Variants in CD5 observed in about 807,000 individuals in gnomAD.
CD5 encodes the protein CD5 molecule.
CD5 carries 36 observed loss-of-function variants against 60.3 expected under a neutral mutation model. The observed-to-expected ratio is 0.60, with a 90% confidence interval of 0.46 to 0.79. The LOEUF is 0.79. CD5 is among the 30% of genes least tolerant of loss of function. CD5 has a pLI of 0.00. For missense variants in CD5, 540 were observed against 630.6 expected (o/e 0.86, Z 1.54); for synonymous variants, 230 against 257.6 (o/e 0.89, Z 1.03).
upstream of CD5, among the ~76,000 whole-genome samples, chr11:61,100,636 C>A (rs1860660160): frequency 1.3e-5 from 1 of 74,978 alleles, no homozygotes; most frequent in African/African-American, 7.6e-5. Flanking sequence ...ACACACACAT[C>A]AACATGGAGA....
At chr11:61,101,619 CAT>C (rs1249185213), upstream of CD5, among the ~76,000 whole-genome samples, 1 of 150,846 alleles carries the variant, frequency 6.6e-6, no homozygotes, top group African/African-American at 2.4e-5. Flanking sequence ...ATCACACACA[CAT>C]ATCAACATGG....
intron 1 of CD5, among the ~76,000 whole-genome samples, chr11:61,105,536 C>T (rs1360152667): frequency 6.6e-6 from 1 of 152,134 alleles, no homozygotes; most frequent in Non-Finnish European, 1.5e-5. Flanking sequence ...ATAATAACAG[C>T]AACAACTATG....
At position 61,122,965 on chromosome 11, in the gene CD5, C is replaced by T. The variant is rs1322238418; in HGVS notation, c.1158C>T (p.Ala386=). 1.2e-6 allele frequency: 2 copies of T among 1,614,128 alleles called. No individual in the cohort carries two copies. Among genetic ancestry groups the T allele is most frequent in the South Asian group, 1.1e-5 (1 of 91,088 alleles). Residue 386 remains alanine (A), a synonymous_variant, in exon 7 of 11, where the codon GCC becomes GCT. Coordinates refer to ENST00000347785, the MANE Select transcript of CD5 (RefSeq NM_014207.4). The part of the protein sequence containing the change: ...AAGTVASIIL[A]LVLLVVLLVV... Reference sequence around the variant, plus strand: ...GCACGGTGGCAAGCATCATCCTGGCCCTGGTGCTCCTGGTGGTGCTGCTGG... The same window carrying T: ...GCACGGTGGCAAGCATCATCCTGGCTCTGGTGCTCCTGGTGGTGCTGCTGG...
intron 1 of CD5, among the ~76,000 whole-genome samples, chr11:61,103,776 G>T (rs932871665): frequency 1.4e-5 from 2 of 142,314 alleles, no homozygotes; most frequent in Non-Finnish European, 3.1e-5. Flanking sequence ...ATGTGTGTGA[G>T]TACTGTCTGG....
intron 1 of CD5, 27 bp downstream of exon 1, chr11:61,102,642 G>A (rs372635673): frequency 6.0e-5 from 94 of 1,560,692 alleles, no homozygotes; most frequent in Non-Finnish European, 7.9e-5. Flanking sequence ...GGTGTCCTGC[G>A]AACACCCGGG....
intron 1 of CD5, among the ~76,000 whole-genome samples, chr11:61,111,194 C>T (rs533262976): frequency 6.6e-6 from 1 of 152,184 alleles, no homozygotes; most frequent in African/African-American, 2.4e-5. Flanking sequence ...GCTGCACGAG[C>T]GCTTCCAGGT....
chr11:61,121,862 C>T lies in CD5; in HGVS notation c.1057C>T (p.Leu353Phe), dbSNP rs775141647. The change falls in exon 6 of 11, where the codon CTT becomes TTT. Residue 353 changes from leucine (L) to phenylalanine (F), a missense_variant. Coordinates refer to ENST00000347785, the MANE Select transcript of CD5 (RefSeq NM_014207.4). ...TCAGAAGCTGTCCCAGTGCCACGAACTTTGGGAGAGAAATTCCTACTGCAA... is the reference window on the plus strand; with the variant it reads ...TCAGAAGCTGTCCCAGTGCCACGAATTTTGGGAGAGAAATTCCTACTGCAA... ...PHQKLSQCHE[L>F]WERNSYCKKV... is the part of the protein sequence containing the mutation. 6 of 1,565,622 alleles carry T rather than the reference C, an allele frequency of 3.8e-6. No individual in the cohort carries two copies. The African/African-American group carries it at 6.8e-5, about 18-fold the overall frequency.
In CD5 at chr11:61,118,935, C is replaced by G. The variant is rs761318325; in HGVS notation, c.421C>G (p.Pro141Ala). The G allele has an allele frequency of 6.2e-7, 1 of 1,613,920 alleles. No individual in the cohort carries two copies. Among genetic ancestry groups the G allele is most frequent in the South Asian group, 1.1e-5 (1 of 91,076 alleles). ...TCLEPQKTTP[P>A]TTRPPPTTTP... Reference sequence around the variant, plus strand: ...TGCAGAACCCCAGAAGACAACACCTCCAACGACAAGGCCCCCGCCCACCAC... The same window carrying G: ...TGCAGAACCCCAGAAGACAACACCTGCAACGACAAGGCCCCCGCCCACCAC... The change falls in exon 4 of 11, where the codon CCA becomes GCA. Residue 141 changes from proline to alanine, a missense_variant. Coordinates refer to ENST00000347785, the MANE Select transcript of CD5 (RefSeq NM_014207.4). The surrounding 1 kb of genome is among the most constrained non-coding windows in gnomAD (Gnocchi z 4.7).
chr11:61,097,104 A>C, the CD5 span, among the ~76,000 whole-genome samples: 1 of 152,194 alleles, frequency 6.6e-6, no homozygotes, highest in Non-Finnish European at 1.5e-5. Context: ...AGATGAACTC[A>C]ATGTGCCAGT....
chr11:61,098,934 G>A (rs1860619302), upstream of CD5, among the ~76,000 whole-genome samples: 3 of 152,292 alleles, frequency 2.0e-5, no homozygotes, highest in South Asian at 6.2e-4. Flanking sequence ...CTGGACCAGT[G>A]ATCACGTCCT....
intron 1 of CD5, 69 bp downstream of exon 1, chr11:61,102,684 T>G: frequency 7.4e-7 from 1 of 1,343,216 alleles, no homozygotes; most frequent in Non-Finnish European, 1.0e-6. Context: ...AGTTCCCAGT[T>G]TTACCCAAGG....
chr11:61,120,236 G>C (rs141084112), intron 5 of CD5, among the ~76,000 whole-genome samples: 1 of 152,308 alleles, frequency 6.6e-6, no homozygotes, highest in Non-Finnish European at 1.5e-5. Flanking sequence ...AGAAACCACA[G>C]CTGAAACGAA....
intron 6 of CD5, among the ~76,000 whole-genome samples, chr11:61,122,521 G>A (rs927772551): frequency 3.3e-5 from 5 of 152,058 alleles, no homozygotes; most frequent in Admixed American, 1.3e-4. Context: ...ACAGAAGGGC[G>A]GATGGACAGA....
intron 1 of CD5, among the ~76,000 whole-genome samples, chr11:61,106,706 TG>T (rs1304199958): frequency 6.6e-6 from 1 of 152,210 alleles, no homozygotes; most frequent in Non-Finnish European, 1.5e-5. Context: ...TGTGTGTCCA[TG>T]TGCTGTGTTT....
At chr11:61,126,015 C>T (rs989774097) in intron 10 of CD5, among the ~76,000 whole-genome samples, 174 bp downstream of exon 10, 3 of 152,222 alleles carry the variant, frequency 2.0e-5, no homozygotes, top group Non-Finnish European at 4.4e-5. Context: ...TTAGGTTATA[C>T]GAGCTGATTT....
chr11:61,123,130 T>G, intron 7 of CD5, 98 bp downstream of exon 7: 1 of 1,387,328 alleles, frequency 7.2e-7, no homozygotes, highest in Non-Finnish European at 9.7e-7. Flanking sequence ...TCCAGAGAGC[T>G]GGGCACGCAG....
intron 1 of CD5, among the ~76,000 whole-genome samples, chr11:61,105,322 G>C (rs1324914957): frequency 6.6e-6 from 1 of 152,184 alleles, no homozygotes; most frequent in Non-Finnish European, 1.5e-5. Context: ...CTGGGACGTG[G>C]GAAAGTCATG....
chr11:61,113,692 A>G (rs1382792218), intron 1 of CD5, among the ~76,000 whole-genome samples: 1 of 151,940 alleles, frequency 6.6e-6, no homozygotes, highest in Non-Finnish European at 1.5e-5. Context: ...TTGTAAAGAC[A>G]GAATCTCACT....
rs267603061 is a variant in CD5, at chr11:61,119,390, G to A, written c.620G>A (p.Gly207Asp). The change falls in exon 5 of 11, where the codon GGC becomes GAC. Residue 207 changes from glycine to aspartate, a missense_variant. Coordinates refer to ENST00000347785, the MANE Select transcript of CD5 (RefSeq NM_014207.4). Reference protein sequence around the residue: ...ENFLCNNLQCGSFLKHLPETE... With the variant: ...ENFLCNNLQCDSFLKHLPETE... ...TTCCTCTGCAACAACCTCCAGTGTG[G>A]CTCCTTCTTGAAGCATCTGCCAGAG... is the stretch of plus-strand genomic sequence containing the variant. 6.2e-7 allele frequency: 1 copy of A among 1,614,212 alleles called. No individual in the cohort carries two copies. The highest frequency in any genetic ancestry group is 8.5e-7 in the Non-Finnish European group (1 of 1,180,044).
Sources: gnomAD v4.1 joint callset for allele counts (sites outside exome capture counted in the v4.1 genomes callset) on GRCh38, gnomAD v4.1.1 for gene constraint, Gnocchi (gnomAD v3.1) non-coding constraint, MANE v1.5 for transcripts, NCBI Gene and HGNC (gene_info 2026-07-23, HGNC 2026-07-21) for gene names.